Variants in ZNF385D observed in about 807,000 individuals in gnomAD.
The protein encoded by ZNF385D is zinc finger protein 659.
Under a neutral mutation model 35.8 loss-of-function variants are expected in ZNF385D, and 15 were observed. The ratio of observed to expected loss-of-function variants is 0.42; its 90% CI spans 0.28 to 0.64. ZNF385D has a LOEUF of 0.64. Ranked by LOEUF, ZNF385D falls within the 30% of genes least tolerant of loss-of-function variation. The pLI is 0.23. For missense variants in ZNF385D, 474 were observed against 494.6 expected, an observed-to-expected ratio of 0.96 and a Z score of 0.39; for synonymous variants, 212 against 186.8, an observed-to-expected ratio of 1.13 and a Z score of -1.10.
intron 3 of ZNF385D, among the ~76,000 whole-genome samples, chr3:21,927,272 T>C (rs1217285585): frequency 2.0e-5 from 3 of 146,540 alleles, no homozygotes; most frequent in Non-Finnish European, 3.0e-5. Context: ...CAAATAAATC[T>C]CTTTTTTTTT....
At chr3:21,939,932 G>A (rs1439571388) in intron 3 of ZNF385D, among the ~76,000 whole-genome samples, 1 of 152,178 alleles carries the variant, frequency 6.6e-6, no homozygotes, top group Non-Finnish European at 1.5e-5. Flanking sequence ...AGGGAGTGAT[G>A]AATGGAAGAG....
intron 3 of ZNF385D, among the ~76,000 whole-genome samples, chr3:21,904,942 C>G (rs570956701): frequency 1.6e-4 from 24 of 151,960 alleles, no homozygotes; most frequent in African/African-American, 5.6e-4. Flanking sequence ...ATGGGTTTAT[C>G]TGAAAGTACA....
intron 3 of ZNF385D, among the ~76,000 whole-genome samples, chr3:21,757,837 C>T (rs1430718491): frequency 1.3e-5 from 2 of 152,156 alleles, no homozygotes; most frequent in Non-Finnish European, 2.9e-5. Context: ...GACATAAAGG[C>T]AGAGACATGT....
At chr3:21,740,393 A>G (rs1176380530) in intron 1 of ZNF385D, among the ~76,000 whole-genome samples, 1 of 152,160 alleles carries the variant, frequency 6.6e-6, no homozygotes, top group African/African-American at 2.4e-5. Flanking sequence ...GATCTATATT[A>G]TAATATAATC....
chr3:22,057,670 C>A (rs1392972724), intron 3 of ZNF385D, among the ~76,000 whole-genome samples: 1 of 151,998 alleles, frequency 6.6e-6, no homozygotes, highest in Admixed American at 6.6e-5. Context: ...CACACCACCA[C>A]ATCCGGCTAA....
intron 2 of ZNF385D, among the ~76,000 whole-genome samples, chr3:21,565,352 CATA>C (rs1441845132): frequency 6.6e-6 from 1 of 152,020 alleles, no homozygotes; most frequent in Non-Finnish European, 1.5e-5. Context: ...ACAAGAAAAA[CATA>C]ATGTCAGCAA....
intron 2 of ZNF385D, among the ~76,000 whole-genome samples, chr3:21,633,444 CAAGA>C (rs1206775672): frequency 6.6e-6 from 1 of 151,784 alleles, no homozygotes; most frequent in African/African-American, 2.4e-5. Flanking sequence ...TAAAGCAAAA[CAAGA>C]AAGAAAGAGC....
intron 2 of ZNF385D, among the ~76,000 whole-genome samples, chr3:22,228,470 T>C (rs1698693442): frequency 6.6e-6 from 1 of 152,184 alleles, no homozygotes; most frequent in Non-Finnish European, 1.5e-5. Context: ...TTTTGGCTCC[T>C]GTGGATGGAT....
At chr3:21,863,417 A>G (rs777828633) in intron 3 of ZNF385D, among the ~76,000 whole-genome samples, 8 of 152,160 alleles carry the variant, frequency 5.3e-5, no homozygotes, top group South Asian at 2.1e-4. Flanking sequence ...AAAGATGAAT[A>G]ATTAACAAAT....
rs139942158 is a variant in ZNF385D, at chr3:21,972,321, G to T, written c.325+196496C>A. ...CAAATACATGGAAATTAAACAATATGGTCCTGAATGACCAGTGGGTCAATG... is the reference window on the plus strand; with the variant it reads ...CAAATACATGGAAATTAAACAATATTGTCCTGAATGACCAGTGGGTCAATG... On this transcript the variant is annotated intron_variant, in intron 3 of 5. Transcript: ENST00000494108. Among the ~76,000 whole-genome samples, 1,337 of 151,984 alleles carry T rather than the reference G, an allele frequency of 8.8e-3. 20 individuals are homozygous for T. Among genetic ancestry groups the T allele is most frequent in the African/African-American group, 0.03 (1,260 of 41,498 alleles).
intron 2 of ZNF385D, among the ~76,000 whole-genome samples, chr3:21,630,621 T>C (rs191849915): frequency 7.9e-4 from 120 of 152,262 alleles, no homozygotes; most frequent in Middle Eastern, 3.4e-3. Flanking sequence ...TGGGCCTCAC[T>C]CTGCACATCT....
At chr3:22,048,057 CCATT>C (rs1420446034) in intron 3 of ZNF385D, among the ~76,000 whole-genome samples, 1 of 152,042 alleles carries the variant, frequency 6.6e-6, no homozygotes, top group Non-Finnish European at 1.5e-5. Context: ...TGAGAAACAT[CCATT>C]CATTTTTTTC....
rs188531701 is a variant in ZNF385D at position 22,009,599 on chromosome 3, G to T, written c.325+159218C>A. Among the ~76,000 whole-genome samples, 89 of 148,794 alleles carry T rather than the reference G, an allele frequency of 6.0e-4. No homozygotes were observed. In the East Asian group the frequency reaches 8.8e-3, roughly 15 times the overall value. On this transcript the variant is annotated intron_variant, in intron 3 of 5. Transcript: ENST00000494108. Reference sequence around the variant, plus strand: ...AATTGCACAACTGCACTCTAGCCTGGGCAACAGAGTGAGACTCTGTCTCAA... The same window carrying T: ...AATTGCACAACTGCACTCTAGCCTGTGCAACAGAGTGAGACTCTGTCTCAA...
chr3:22,240,180 C>A (rs1455293041), intron 2 of ZNF385D, among the ~76,000 whole-genome samples: 1 of 28,976 alleles, frequency 3.5e-5, no homozygotes, highest in Non-Finnish European at 6.5e-5. Flanking sequence ...GAGACCCTGT[C>A]TCCAAAAAAA....
intron 1 of ZNF385D, among the ~76,000 whole-genome samples, chr3:21,740,766 T>C (rs2069475564): frequency 6.6e-6 from 1 of 152,132 alleles, no homozygotes; most frequent in Admixed American, 6.5e-5. Flanking sequence ...ATGTGGAACT[T>C]CCCAGGGCCT....
intron 3 of ZNF385D, among the ~76,000 whole-genome samples, chr3:21,530,530 G>C (rs1055253656): frequency 6.6e-6 from 1 of 152,160 alleles, no homozygotes; most frequent in Non-Finnish European, 1.5e-5. Context: ...CCTCCAATCA[G>C]CTTTGGATTA....
At chr3:21,690,530 T>A (rs2067246737) in intron 1 of ZNF385D, among the ~76,000 whole-genome samples, 1 of 152,318 alleles carries the variant, frequency 6.6e-6, no homozygotes, top group South Asian at 2.1e-4. Flanking sequence ...CTAGTCATCA[T>A]CCTCTGACCT....
chr3:22,038,183 TAAC>T (rs1250610648), intron 3 of ZNF385D, among the ~76,000 whole-genome samples: 1 of 152,180 alleles, frequency 6.6e-6, no homozygotes, highest in African/African-American at 2.4e-5. Flanking sequence ...GTGTAGGAGA[TAAC>T]AAGATGAATA....
intron 2 of ZNF385D, among the ~76,000 whole-genome samples, chr3:22,259,779 G>A (rs1415096115): frequency 2.0e-5 from 3 of 151,594 alleles, no homozygotes; most frequent in Non-Finnish European, 2.9e-5. Flanking sequence ...TAAGGCACCA[G>A]AAATTTTACC....
Sources: gnomAD v4.1 joint callset for allele counts (sites outside exome capture counted in the v4.1 genomes callset) on GRCh38, gnomAD v4.1.1 for gene constraint, MANE v1.5 for transcripts, NCBI Gene and HGNC (gene_info 2026-07-23, HGNC 2026-07-21) for gene names.